The following ZNF366 variants were observed in gnomAD, a reference collection of about 807,000 sequenced individuals.
ZNF366 encodes the protein zinc finger protein 366.
A neutral mutation model predicts 47.2 loss-of-function variants in ZNF366; 20 were observed. The observed-to-expected ratio is 0.42, with a 90% CI of 0.30 to 0.62. ZNF366 has a LOEUF of 0.62. ZNF366 is among the 20% of genes least tolerant of loss of function. The pLI, the probability that ZNF366 is intolerant of heterozygous loss-of-function variation, is 0.16. For synonymous variants in ZNF366, 421 were observed against 395.1 expected, an observed-to-expected ratio of 1.07 and a Z score of -0.78; for missense variants, 987 against 976.3, an observed-to-expected ratio of 1.01 and a Z score of -0.15.
Position 72,460,597 on chromosome 5 carries a change from C to T in ZNF366, c.900G>A (p.Met300Ile), listed in dbSNP as rs376609052. ...GGGGCCGCGTGCCCTGGTGGGTCAG[C>T]ATGTGGGTATGCAGGTGGCTGAGCT... ...FKQLSHLHTHMLTHQGTRPHK... is the reference protein window; with the variant it reads ...FKQLSHLHTHILTHQGTRPHK... The change falls in exon 2 of 5, where the codon ATG (methionine) becomes ATA (isoleucine). Residue 300 changes from methionine to isoleucine, a missense_variant. Physicochemically the swap from Met to Ile is conservative, Grantham distance 10 (BLOSUM62 1). Coordinates refer to ENST00000318442, the MANE Select transcript of ZNF366 (RefSeq NM_152625.3). 5.0e-6 allele frequency: 8 copies of T among 1,614,020 alleles called. No individual in the cohort carries two copies. Among genetic ancestry groups the T allele is most frequent in the African/African-American group, 1.3e-5 (1 of 74,946 alleles).
chr5:72,444,710 G>A (rs1742926787), intron 4 of ZNF366, among the ~76,000 whole-genome samples: 1 of 152,090 alleles, frequency 6.6e-6, no homozygotes, highest in South Asian at 2.1e-4. Flanking sequence ...ATTATGCATA[G>A]GGGATGTAGA....
At chr5:72,451,891 T>C (rs1743078258) in intron 3 of ZNF366, among the ~76,000 whole-genome samples, 1 of 152,216 alleles carries the variant, frequency 6.6e-6, no homozygotes, top group South Asian at 2.1e-4. Context: ...GGCCTCCTCG[T>C]CCCGGCCTCC....
At chr5:72,472,539 G>A in intron 1 of ZNF366, 1 of 985,290 alleles carries the variant, frequency 1.0e-6, no homozygotes, top group Non-Finnish European at 1.2e-6. Context: ...AAATTAGGCT[G>A]ACCTTCAATT....
chr5:72,445,609 C>T (rs1204464887), intron 4 of ZNF366, among the ~76,000 whole-genome samples: 1 of 152,130 alleles, frequency 6.6e-6, no homozygotes, highest in Non-Finnish European at 1.5e-5. Context: ...AGTTATTTTT[C>T]CAGAACAACA....
At chr5:72,483,926 T>TA (rs532993648) in intron 1 of ZNF366, among the ~76,000 whole-genome samples, 79 of 148,800 alleles carry the variant, frequency 5.3e-4, no homozygotes, top group African/African-American at 9.6e-4. Flanking sequence ...AAGATCTACT[T>TA]AAAAAAAAAA....
At chr5:72,454,225 A>G (rs1743135132) in intron 3 of ZNF366, among the ~76,000 whole-genome samples, 1 of 152,220 alleles carries the variant, frequency 6.6e-6, no homozygotes, top group South Asian at 2.1e-4. Flanking sequence ...TACATGCACC[A>G]TCATTGGAGT....
At chr5:72,458,165 C>T (rs532684586) in intron 2 of ZNF366, among the ~76,000 whole-genome samples, 177 of 151,722 alleles carry the variant, frequency 1.2e-3, no homozygotes, top group Non-Finnish European at 1.8e-3. Flanking sequence ...TACAGGTACC[C>T]GCCACCATGC....
intron 2 of ZNF366, among the ~76,000 whole-genome samples, chr5:72,458,500 G>A (rs1227730716): frequency 6.6e-6 from 1 of 152,222 alleles, no homozygotes; most frequent in African/African-American, 2.4e-5. Context: ...ACAACTTTAA[G>A]GCAACAAAGG....
chr5:72,470,133 A>G (rs1438045702), intron 1 of ZNF366, among the ~76,000 whole-genome samples: 1 of 152,194 alleles, frequency 6.6e-6, no homozygotes, highest in Non-Finnish European at 1.5e-5. Flanking sequence ...TACCTCTTGT[A>G]AATCCAAAGA....
intron 1 of ZNF366, among the ~76,000 whole-genome samples, chr5:72,462,547 C>CTTTCTTCCTTTCTTTCT (rs11275151): frequency 2.5e-5 from 2 of 78,916 alleles, no homozygotes; most frequent in Non-Finnish European, 4.5e-5. Flanking sequence ...TTCTTTCTTT[C>CTTTCTTCCTTTCTTTCT]TTTTTTTTTT....
At chr5:72,492,191 G>C (rs2112352125) in intron 1 of ZNF366, among the ~76,000 whole-genome samples, 1 of 152,278 alleles carries the variant, frequency 6.6e-6, no homozygotes. Flanking sequence ...GATCCCAGTG[G>C]GTAGACATGG....
At chr5:72,455,896 C>A (rs909144641) in intron 3 of ZNF366, among the ~76,000 whole-genome samples, 1 of 152,104 alleles carries the variant, frequency 6.6e-6, no homozygotes, top group South Asian at 2.1e-4. Flanking sequence ...CTCTAGGAGG[C>A]CTGCCCTCAA....
chr5:72,443,710 A>G lies in ZNF366; in HGVS notation c.*46T>C. 1 of 1,561,860 alleles carries G rather than the reference A, an allele frequency of 6.4e-7. No homozygotes were observed. The highest frequency in any genetic ancestry group is 8.7e-7 in the Non-Finnish European group (1 of 1,154,456). ...CAGTTCATGCAGAAAGCTATATTTGAACTGCCTCCTTCTCATTTTCCAAAT... is the reference window on the plus strand; with the variant it reads ...CAGTTCATGCAGAAAGCTATATTTGGACTGCCTCCTTCTCATTTTCCAAAT... On this transcript the variant is annotated 3_prime_UTR_variant, in exon 5 of 5. Transcript: ENST00000318442.
At chr5:72,494,187 T>G (rs1744069039) in intron 1 of ZNF366, 1 of 152,198 alleles carries the variant, frequency 6.6e-6, no homozygotes, top group African/African-American at 2.4e-5. Context: ...GCACTTGACA[T>G]CTACATACAG....
intron 1 of ZNF366, among the ~76,000 whole-genome samples, chr5:72,492,030 T>C (rs1176676180): frequency 6.6e-6 from 1 of 152,196 alleles, no homozygotes. Flanking sequence ...CGTGACCTAC[T>C]AGTGAGGAGA....
chr5:72,487,631 C>G (rs1402125063), intron 1 of ZNF366, among the ~76,000 whole-genome samples: 2 of 152,168 alleles, frequency 1.3e-5, no homozygotes, highest in African/African-American at 2.4e-5. Context: ...CTTAGCCTGA[C>G]AGCAACCCTT....
At chr5:72,473,073 T>C (rs970062402) in intron 1 of ZNF366, among the ~76,000 whole-genome samples, 1 of 152,220 alleles carries the variant, frequency 6.6e-6, no homozygotes, top group Non-Finnish European at 1.5e-5. Flanking sequence ...CACTATCTTA[T>C]ACAATCACCA....
chr5:72,484,377 G>A lies in ZNF366; in HGVS notation c.-14-22867C>T, dbSNP rs940215441. On this transcript the variant is annotated intron_variant, in intron 1 of 4. Coordinates refer to ENST00000318442, the MANE Select transcript of ZNF366 (RefSeq NM_152625.3). Reference sequence around the variant, plus strand: ...CGGGCGCCTGTAGTCCCAGCTACTCGGGAGGCTGAGGCAGGAGAATGGCGT... The same window carrying A: ...CGGGCGCCTGTAGTCCCAGCTACTCAGGAGGCTGAGGCAGGAGAATGGCGT... 7.4e-5 allele frequency among the ~76,000 whole-genome samples: 11 copies of A among 149,108 alleles called. No homozygotes were observed. In the South Asian group the frequency reaches 8.5e-4, roughly 12 times the overall value.
intron 1 of ZNF366, among the ~76,000 whole-genome samples, chr5:72,486,712 C>T (rs1743898127): frequency 6.6e-6 from 1 of 152,116 alleles, no homozygotes; most frequent in Admixed American, 6.5e-5. Context: ...GTCTCTGAAC[C>T]AAGCCAATGC....
Sources: allele counts gnomAD v4.1 joint callset (sites outside exome capture counted in the v4.1 genomes callset), GRCh38; gene constraint gnomAD v4.1.1; transcripts MANE v1.5; gene names NCBI Gene and HGNC (gene_info 2026-07-23, HGNC 2026-07-21).